Variants in RNF217 observed in about 807,000 individuals in gnomAD.
RNF217 encodes the protein ring finger protein 217.
In RNF217, 31 loss-of-function variants were observed where a neutral mutation model predicts 57.8. The ratio of observed to expected loss-of-function variants is 0.54; its 90% CI spans 0.40 to 0.72. The LOEUF is 0.72. Among genes scored for constraint, RNF217 ranks in the 30% least tolerant of loss-of-function variants. The pLI is 0.00. For missense variants in RNF217, 696 were observed against 708.3 expected (o/e 0.98, Z 0.20); for synonymous variants, 313 against 294.0 (o/e 1.06, Z -0.66).
chr6:124,990,108 T>G (rs150087551), intron 1 of RNF217, among the ~76,000 whole-genome samples: 1 of 152,366 alleles, frequency 6.6e-6, no homozygotes, highest in Non-Finnish European at 1.5e-5. Context: ...CACTCTATCC[T>G]CCTTGAAATA....
Position 125,089,074 on chromosome 6 carries a change from C to T in RNF217, c.*6137C>T, listed in dbSNP as rs939230459. 4 of 152,512 alleles carry T rather than the reference C, an allele frequency of 2.6e-5. No homozygotes were observed. Among genetic ancestry groups the T allele is most frequent in the Admixed American group, 2.6e-4 (4 of 15,260 alleles). The allele number at this position is 152,512 out of a possible 1,614,324, so 9.4% of individuals were successfully genotyped here. Reference sequence around the variant, plus strand: ...TAGCTCTGGTAGTGAGCATAATTTACCTTGGCTTATTTTATTTGTAAATGG... The same window carrying T: ...TAGCTCTGGTAGTGAGCATAATTTATCTTGGCTTATTTTATTTGTAAATGG... On this transcript the variant is annotated 3_prime_UTR_variant, in exon 6 of 6. Coordinates refer to ENST00000521654, the MANE Select transcript of RNF217 (RefSeq NM_001286398.3).
intron 3 of RNF217, among the ~76,000 whole-genome samples, chr6:125,067,334 A>G (rs1033689045): frequency 3.9e-5 from 6 of 152,116 alleles, no homozygotes; most frequent in African/African-American, 1.4e-4. Flanking sequence ...TAAAAGCAGG[A>G]GAGTAGTGGT....
At chr6:124,999,337 C>T (rs938040705) in intron 1 of RNF217, among the ~76,000 whole-genome samples, 1 of 152,224 alleles carries the variant, frequency 6.6e-6, no homozygotes, top group African/African-American at 2.4e-5. Context: ...AGCTGATTCC[C>T]CAGCAGATCC....
chr6:124,997,312 A>T (rs1410183596), intron 1 of RNF217, among the ~76,000 whole-genome samples: 1 of 152,190 alleles, frequency 6.6e-6, no homozygotes, highest in South Asian at 2.1e-4. Context: ...ATGTTGTATT[A>T]CAATCCTGGT....
chr6:125,049,240 T>A (rs934596496), intron 2 of RNF217, among the ~76,000 whole-genome samples: 3 of 152,052 alleles, frequency 2.0e-5, no homozygotes, highest in Admixed American at 2.0e-4. Context: ...GATAGACACA[T>A]CACCCACACC....
intron 1 of RNF217, among the ~76,000 whole-genome samples, chr6:125,039,392 A>G (rs1202627516): frequency 1.3e-5 from 2 of 152,172 alleles, no homozygotes; most frequent in Non-Finnish European, 2.9e-5. Flanking sequence ...CACAACAAGA[A>G]GAGCTAACTG....
chr6:125,048,889 A>G (rs764018189), intron 2 of RNF217, among the ~76,000 whole-genome samples: 170 of 152,154 alleles, frequency 1.1e-3, no homozygotes, highest in Non-Finnish European at 2.0e-3. Flanking sequence ...TGTTCTGAAC[A>G]TCGTCAAACT....
In RNF217 at chr6:124,978,033, A is replaced by C. The variant is rs183859969; in HGVS notation, c.882+14607A>C. On this transcript the variant is annotated intron_variant, in intron 1 of 5. Coordinates refer to ENST00000521654, the MANE Select transcript of RNF217 (RefSeq NM_001286398.3). ...AAGATAAAATGATACAAACATTAAA[A>C]AAATACTGAGCACAAAATATTTGCT... is the stretch of plus-strand genomic sequence containing the variant. Among the ~76,000 whole-genome samples, 624 of 152,302 alleles carry C rather than the reference A, an allele frequency of 4.1e-3. 4 individuals are homozygous for C. The highest frequency in any genetic ancestry group is 0.014 in the African/African-American group (571 of 41,568).
intron 1 of RNF217, among the ~76,000 whole-genome samples, chr6:124,997,288 G>A (rs949019982): frequency 1.3e-5 from 2 of 152,100 alleles, no homozygotes; most frequent in African/African-American, 2.4e-5. Flanking sequence ...TCCCCACCCT[G>A]AGCTTTATAG....
At chr6:125,051,211 T>C (rs1376462139) in intron 2 of RNF217, among the ~76,000 whole-genome samples, 2 of 152,004 alleles carry the variant, frequency 1.3e-5, no homozygotes, top group East Asian at 1.9e-4. Flanking sequence ...CAAACTATAG[T>C]AATAATCAAA....
chr6:124,975,116 A>T (rs1783910946), intron 1 of RNF217, among the ~76,000 whole-genome samples: 1 of 152,132 alleles, frequency 6.6e-6, no homozygotes. Flanking sequence ...TACCTGGCAA[A>T]TTGCTTCCCT....
At chr6:125,000,432 G>A (rs1784930522) in intron 1 of RNF217, among the ~76,000 whole-genome samples, 1 of 151,830 alleles carries the variant, frequency 6.6e-6, no homozygotes, top group Non-Finnish European at 1.5e-5. Flanking sequence ...GTAAATGTAA[G>A]GGGGCATTAT....
rs368469313 is a variant in RNF217 at position 125,052,284 on chromosome 6, T to TTGTGTGTGTGTGTG, written c.1117-5635_1117-5622dup. Among the ~76,000 whole-genome samples, 882 of 143,200 alleles carry TTGTGTGTGTGTGTG rather than the reference T, an allele frequency of 6.2e-3. 5 individuals carry two copies. Among genetic ancestry groups the TTGTGTGTGTGTGTG allele is most frequent in the African/African-American group, 0.015 (583 of 38,948 alleles). The allele number at this position is 143,200 out of a possible 152,430, so 93.9% of individuals were successfully genotyped here. On this transcript the variant is annotated intron_variant, in intron 2 of 5. Transcript: ENST00000521654. ...AATATAGCTTACCTTGTCATGCGTT[T>TTGTGTGTGTGTGTG]TGTGTGTGTGTGTGTGTGTGTGTGT...
At chr6:124,974,986 T>C (rs1783907023) in intron 1 of RNF217, among the ~76,000 whole-genome samples, 1 of 152,244 alleles carries the variant, frequency 6.6e-6, no homozygotes, top group Non-Finnish European at 1.5e-5. Flanking sequence ...GCCCCCTGGC[T>C]CAGGTAACTA....
intron 3 of RNF217, among the ~76,000 whole-genome samples, chr6:125,066,749 A>C (rs371004017): frequency 6.6e-6 from 1 of 152,172 alleles, no homozygotes; most frequent in African/African-American, 2.4e-5. Flanking sequence ...GATTTGATCT[A>C]TTTTATTGTC....
rs1273424725 is a variant in RNF217 at position 125,076,677 on chromosome 6, A to G, written c.1302A>G (p.Glu434=). The change falls in exon 4 of 6, where the codon GAA becomes GAG. Residue 434 remains glutamate (E), a synonymous_variant. Coordinates refer to ENST00000521654, the MANE Select transcript of RNF217 (RefSeq NM_001286398.3). ...TACAGATCCACATCCAGCGAACTGA[A>G]GGATGTGACCATATGACCTGCTCAC... ...PKCKIHIQRT[E]GCDHMTCSQC... 6.2e-7 allele frequency: 1 copy of G among 1,610,498 alleles called. No homozygotes were observed. Among genetic ancestry groups the G allele is most frequent in the Non-Finnish European group, 8.5e-7 (1 of 1,176,898 alleles).
intron 2 of RNF217, among the ~76,000 whole-genome samples, chr6:125,045,948 A>G (rs936070158): frequency 1.3e-5 from 2 of 152,106 alleles, no homozygotes; most frequent in Admixed American, 1.3e-4. Context: ...CTGCTTCAAA[A>G]AAAGTCGAAG....
intron 1 of RNF217, among the ~76,000 whole-genome samples, chr6:124,999,856 A>G (rs1030624264): frequency 6.6e-6 from 1 of 152,242 alleles, no homozygotes; most frequent in Non-Finnish European, 1.5e-5. Flanking sequence ...ACAGATAAAC[A>G]GCTATTAAAC....
At chr6:125,011,828 C>A (rs1432386680) in intron 1 of RNF217, among the ~76,000 whole-genome samples, 1 of 151,764 alleles carries the variant, frequency 6.6e-6, no homozygotes, top group African/African-American at 2.4e-5. Flanking sequence ...CTACTTTGAT[C>A]AGCTGTGATG....
Sources: gnomAD v4.1 joint callset for allele counts (sites outside exome capture counted in the v4.1 genomes callset) on GRCh38, gnomAD v4.1.1 for gene constraint, MANE v1.5 for transcripts, NCBI Gene and HGNC (gene_info 2026-07-23, HGNC 2026-07-21) for gene names.